The following HERPUD2 variants were observed in gnomAD, a reference collection of about 807,000 sequenced individuals.
HERPUD2 encodes the protein HERPUD family member 2.
In HERPUD2, 13 loss-of-function variants were observed where a neutral mutation model predicts 49.9. That is an observed-to-expected ratio of 0.26 (90% confidence interval 0.17 to 0.41). HERPUD2 has a LOEUF of 0.41. HERPUD2 is among the 10% of genes least tolerant of loss of function. The pLI is 1.00. For missense variants in HERPUD2, 449 were observed against 492.2 expected, an observed-to-expected ratio of 0.91 and a Z score of 0.83; for synonymous variants, 172 against 171.4, an observed-to-expected ratio of 1.00 and a Z score of -0.03.
At chr7:35,680,815 A>G (rs1562685307) in intron 2 of HERPUD2, among the ~76,000 whole-genome samples, 1 of 152,194 alleles carries the variant, frequency 6.6e-6, no homozygotes, top group African/African-American at 2.4e-5. Flanking sequence ...TTATGTCAAC[A>G]TGTGTTTTTT....
chr7:35,674,404 T>TATATATAGAGAGAG (rs1785711309), intron 2 of HERPUD2, among the ~76,000 whole-genome samples: 1 of 38,126 alleles, frequency 2.6e-5, no homozygotes, highest in Non-Finnish European at 4.4e-5. Flanking sequence ...TATATATATA[T>TATATATAGAGAGAG]AGAGAGAGAG....
At chr7:35,633,937 C>T in intron 8 of HERPUD2, 86 bp from the exon 9 acceptor site, 1 of 1,370,032 alleles carries the variant, frequency 7.3e-7, no homozygotes, top group Non-Finnish European at 1.0e-6. Context: ...CTTTGTAGAA[C>T]AAAGGACTAT....
intron 6 of HERPUD2, among the ~76,000 whole-genome samples, chr7:35,636,464 G>A (rs192379572): frequency 6.6e-5 from 10 of 152,264 alleles, no homozygotes; most frequent in African/African-American, 2.2e-4. Context: ...AGAAACTAAG[G>A]CTCTCAAGTT....
At chr7:35,684,548 C>T (rs776497948) in intron 2 of HERPUD2, among the ~76,000 whole-genome samples, 6 of 151,818 alleles carry the variant, frequency 4.0e-5, no homozygotes, top group South Asian at 2.1e-4. Flanking sequence ...ACATATGTGA[C>T]GGACTACTAC....
intron 5 of HERPUD2, among the ~76,000 whole-genome samples, chr7:35,642,724 A>G (rs923662729): frequency 1.3e-5 from 2 of 152,224 alleles, no homozygotes; most frequent in African/African-American, 4.8e-5. Flanking sequence ...CAAATACCGC[A>G]TGTTCTCACT....
chr7:35,636,398 A>G (rs1784871976), intron 6 of HERPUD2, among the ~76,000 whole-genome samples: 1 of 152,236 alleles, frequency 6.6e-6, no homozygotes, highest in Non-Finnish European at 1.5e-5. Flanking sequence ...TTTAGAAAAC[A>G]CTTCCTACTT....
rs1056360143 is a variant in HERPUD2 at position 35,694,624 on chromosome 7, G to A, written c.-294C>T. On this transcript the variant is annotated 5_prime_UTR_variant, in exon 2 of 9. Transcript: ENST00000311350. ...TGTGGAGGCCGTCGTGAGGAGAAAG[G>A]AAGCTATACGAAGGAAGGGTGGGAG... 12 of 400,160 alleles carry A rather than the reference G, an allele frequency of 3.0e-5. No homozygotes were observed. Among genetic ancestry groups the A allele is most frequent in the South Asian group, 1.4e-4 (5 of 35,176 alleles). The allele number at this position is 400,160 out of a possible 1,614,324, so 24.8% of individuals were successfully genotyped here. A position where few individuals can be genotyped will look rare whatever the true frequency, so the allele number is the denominator to read the frequency against.
At position 35,694,153 on chromosome 7, in the gene HERPUD2, G is replaced by A. The variant is rs747820450; in HGVS notation, c.147+31C>T. On this transcript the variant is annotated intron_variant, in intron 2 of 8. Coordinates refer to ENST00000311350, the MANE Select transcript of HERPUD2 (RefSeq NM_022373.5). ...ACACGGCACGAAAAGCTGCTGGTCA[G>A]AGCAGCTGCCCCCAGCTTTTACACA... The A allele has an allele frequency of 3.7e-5, 60 of 1,612,574 alleles. 1 individual carries two copies. In the Middle Eastern group the frequency reaches 4.9e-4, roughly 13 times the overall value.
chr7:35,634,012 C>T (rs1420908649), intron 8 of HERPUD2, among the ~76,000 whole-genome samples, 161 bp from the exon 9 acceptor site: 7 of 152,214 alleles, frequency 4.6e-5, no homozygotes, highest in Middle Eastern at 3.4e-3. Flanking sequence ...CTCACTGTTC[C>T]GTAAAGGGGA....
At chr7:35,670,537 C>A (rs112300158) in intron 3 of HERPUD2, among the ~76,000 whole-genome samples, 255 of 151,988 alleles carry the variant, frequency 1.7e-3, no homozygotes, top group African/African-American at 5.9e-3. Context: ...GGAAAATGAT[C>A]TAAATACTCT....
intron 5 of HERPUD2, among the ~76,000 whole-genome samples, chr7:35,658,852 T>C (rs747087653): frequency 6.6e-6 from 1 of 152,220 alleles, no homozygotes; most frequent in Non-Finnish European, 1.5e-5. Context: ...GCTTTGTCCT[T>C]CTCATGTTTT....
At chr7:35,662,086 A>G (rs199802786) in intron 5 of HERPUD2, among the ~76,000 whole-genome samples, 17 of 152,030 alleles carry the variant, frequency 1.1e-4, no homozygotes, top group Non-Finnish European at 5.9e-5. Flanking sequence ...TAGCATGAAG[A>G]GCTGTTGAAT....
chr7:35,660,713 G>A (rs1246205821), intron 5 of HERPUD2, among the ~76,000 whole-genome samples: 2 of 152,068 alleles, frequency 1.3e-5, no homozygotes, highest in African/African-American at 2.4e-5. Flanking sequence ...TTGCCCACTT[G>A]TTGATGGGGT....
At chr7:35,634,576 C>T in intron 7 of HERPUD2, 147 bp from the exon 8 acceptor site, 1 of 551,996 alleles carries the variant, frequency 1.8e-6, no homozygotes, top group Admixed American at 3.2e-5. Context: ...GGACAGGGAA[C>T]TACCCTTTTC....
At chr7:35,661,578 G>A (rs1047401473) in intron 5 of HERPUD2, among the ~76,000 whole-genome samples, 4 of 152,194 alleles carry the variant, frequency 2.6e-5, no homozygotes, top group African/African-American at 4.8e-5. Context: ...TCTCCTTGAA[G>A]AGGTCGTTCA....
chr7:35,682,282 TACACACG>T (rs1785915255), intron 2 of HERPUD2, among the ~76,000 whole-genome samples: 1 of 53,104 alleles, frequency 1.9e-5, no homozygotes, highest in Non-Finnish European at 3.8e-5. Flanking sequence ...TATATACACA[TACACACG>T]TGTGTGTGTG....
At chr7:35,667,211 A>C (rs1785554528) in intron 5 of HERPUD2, among the ~76,000 whole-genome samples, 2 of 152,232 alleles carry the variant, frequency 1.3e-5, no homozygotes, top group Admixed American at 1.3e-4. Flanking sequence ...TGATTAGGAC[A>C]AACATTCAAG....
chr7:35,637,974 C>CA (rs1324591985), intron 6 of HERPUD2, among the ~76,000 whole-genome samples: 2 of 152,172 alleles, frequency 1.3e-5, no homozygotes, highest in Non-Finnish European at 2.9e-5. Context: ...TACTGAGAGT[C>CA]AAGTAAGCAT....
At chr7:35,657,804 T>C (rs1435344867) in intron 5 of HERPUD2, among the ~76,000 whole-genome samples, 28 of 149,226 alleles carry the variant, frequency 1.9e-4, no homozygotes, top group African/African-American at 6.4e-4. Flanking sequence ...CTGTAGTCCC[T>C]GCTACTAGGG....
Sources: gnomAD v4.1 joint callset for allele counts (sites outside exome capture counted in the v4.1 genomes callset) on GRCh38, gnomAD v4.1.1 for gene constraint, MANE v1.5 for transcripts, NCBI Gene and HGNC (gene_info 2026-07-23, HGNC 2026-07-21) for gene names.